Variants in MTNR1A observed in about 807,000 individuals in gnomAD.
The protein encoded by MTNR1A is melatonin receptor 1A.
In MTNR1A, 7 loss-of-function variants were observed where a neutral mutation model predicts 5.5. The ratio of observed to expected loss-of-function variants is 1.28; its 90% CI spans 0.73 to 2.40. The LOEUF is 2.40. Among genes scored for constraint, MTNR1A ranks in the 30% most tolerant of loss-of-function variants. The probability of loss-of-function intolerance (pLI) is 0.00; values close to 1 mark genes in which losing one functional copy is unlikely to be tolerated. For synonymous variants in MTNR1A, 196 were observed against 202.7 expected (o/e 0.97, Z 0.28); for missense variants, 441 against 464.4 (o/e 0.95, Z 0.46).
intron 1 of MTNR1A, among the ~76,000 whole-genome samples, chr4:186,550,920 G>T (rs192077256): frequency 7.9e-5 from 12 of 152,240 alleles, no homozygotes; most frequent in Non-Finnish European, 1.5e-4. Flanking sequence ...AACCAAGATA[G>T]AAAGTCATAG....
At chr4:186,544,419 C>T (rs1435517469) in intron 1 of MTNR1A, among the ~76,000 whole-genome samples, 1 of 152,166 alleles carries the variant, frequency 6.6e-6, no homozygotes, top group Admixed American at 6.5e-5. Flanking sequence ...CTATCCTGGG[C>T]CAGACTCTTA....
At position 186,547,200 on chromosome 4, in the gene MTNR1A, A is replaced by C. The variant is rs113261495; in HGVS notation, c.184+7982T>G. 8.9e-5 allele frequency among the ~76,000 whole-genome samples: 5 copies of C among 56,004 alleles called. No homozygotes were observed. In the East Asian group the frequency reaches 3.6e-3, roughly 40 times the overall value. The allele number at this position is 56,004 out of a possible 152,430, so 36.7% of individuals were successfully genotyped here. The stretch of plus-strand genomic sequence containing the variant: ...ACACCATCCACACCACACCCTGTTC[A>C]TGGGACACACCGTCCACACCACACC... On this transcript the variant is annotated intron_variant, in intron 1 of 1. Coordinates refer to ENST00000307161, the MANE Select transcript of MTNR1A (RefSeq NM_005958.4).
chr4:186,555,113 A>C lies in MTNR1A; in HGVS notation c.184+69T>G. 6.8e-7 allele frequency: 1 copy of C among 1,479,708 alleles called. No homozygotes were observed. Among genetic ancestry groups the C allele is most frequent in the Non-Finnish European group, 9.2e-7 (1 of 1,082,186 alleles). 91.7% of individuals were successfully genotyped at this position (1,479,708 alleles called of 1,614,324 possible). A position where few individuals can be genotyped will look rare whatever the true frequency, so the allele number is the denominator to read the frequency against. ...AGGAAAAAGAACCAAGTGCTTGGGG[A>C]AGGCTGGCTGCCCGCGGAGAGGCGC... is the stretch of plus-strand genomic sequence containing the variant. On this transcript the variant is annotated intron_variant, in intron 1 of 1. Coordinates refer to ENST00000307161, the MANE Select transcript of MTNR1A (RefSeq NM_005958.4). This position sits in a 1 kb window ranked among gnomAD's most constrained non-coding sequence, Gnocchi z 4.1.
At chr4:186,538,969 C>G (rs546851008) in intron 1 of MTNR1A, among the ~76,000 whole-genome samples, 1 of 152,220 alleles carries the variant, frequency 6.6e-6, no homozygotes, top group South Asian at 2.1e-4. Flanking sequence ...CCTGTAATCC[C>G]AGCACTTTGG....
chr4:186,534,532 C>G lies in MTNR1A; in HGVS notation c.210G>C (p.Ala70=), dbSNP rs773623154. 49 of 1,612,990 alleles carry G rather than the reference C, an allele frequency of 3.0e-5. No homozygotes were observed. Among genetic ancestry groups the G allele is most frequent in the Admixed American group, 6.7e-5 (4 of 60,000 alleles). ...NAGNIFVVSL[A]VADLVVAIYP... ...AAATGGCCACCACCAGGTCTGCCACCGCTAAGCTCACCACAAAGATGTTTC... is the reference window on the plus strand; with the variant it reads ...AAATGGCCACCACCAGGTCTGCCACGGCTAAGCTCACCACAAAGATGTTTC... The change falls in exon 2 of 2, where the codon GCG becomes GCC. Residue 70 remains alanine (A), a synonymous_variant. Coordinates refer to ENST00000307161, the MANE Select transcript of MTNR1A (RefSeq NM_005958.4).
intron 1 of MTNR1A, among the ~76,000 whole-genome samples, chr4:186,536,152 C>T (rs1736844062): frequency 6.6e-6 from 1 of 151,876 alleles, no homozygotes; most frequent in Non-Finnish European, 1.5e-5. Context: ...TCAGGACCAG[C>T]CTGGCCAACA....
chr4:186,534,260 G>A lies in MTNR1A; in HGVS notation c.482C>T (p.Pro161Leu). ...IWLLTLAAVLPNLRAGTLQYD... is the reference protein window; with the variant it reads ...IWLLTLAAVLLNLRAGTLQYD... ...CTGGAGAGTCCCTGCACGGAGGTTG[G>A]GCAGGACGGCCGCCAGCGTCAGGAG... Residue 161 changes from proline to leucine, a missense_variant, in exon 2 of 2, where the codon CCC (proline) becomes CTC (leucine). By Grantham distance (98) the Pro-to-Leu change is moderately conservative. Transcript: ENST00000307161. 1 of 1,614,178 alleles carries A rather than the reference G, an allele frequency of 6.2e-7. No individual in the cohort carries two copies. Among genetic ancestry groups the A allele is most frequent in the Non-Finnish European group, 8.5e-7 (1 of 1,180,028 alleles).
chr4:186,544,053 G>A (rs1737084348), intron 1 of MTNR1A, among the ~76,000 whole-genome samples: 1 of 152,080 alleles, frequency 6.6e-6, no homozygotes, highest in South Asian at 2.1e-4. Context: ...TCTGTCACCA[G>A]GCTGGAATGC....
chr4:186,550,761 C>T (rs1256287663), intron 1 of MTNR1A, among the ~76,000 whole-genome samples: 11 of 152,090 alleles, frequency 7.2e-5, no homozygotes, highest in African/African-American at 7.2e-5. Flanking sequence ...TACTTTCTTA[C>T]GAAATGAATA....
intron 1 of MTNR1A, among the ~76,000 whole-genome samples, chr4:186,543,718 T>C (rs1737078070): frequency 6.6e-6 from 1 of 152,202 alleles, no homozygotes; most frequent in Non-Finnish European, 1.5e-5. Flanking sequence ...GAGACTGTAT[T>C]TTCTTTTACA....
chr4:186,534,025 G>C lies in MTNR1A; in HGVS notation c.717C>G (p.Thr239=). The change falls in exon 2 of 2, where the codon ACC becomes ACG. Residue 239 remains threonine (T), a synonymous_variant. Coordinates refer to ENST00000307161, the MANE Select transcript of MTNR1A (RefSeq NM_005958.4). ...CAAAAAGGACAAAAACCACAAACATGGTGACAAAATTCCTGAAGTCCTGTG... is the reference window on the plus strand; with the variant it reads ...CAAAAAGGACAAAAACCACAAACATCGTGACAAAATTCCTGAAGTCCTGTG... ...LKPQDFRNFV[T]MFVVFVLFAI... The C allele has an allele frequency of 1.9e-6, 3 of 1,614,078 alleles. No homozygotes were observed. The highest frequency in any genetic ancestry group is 2.5e-6 in the Non-Finnish European group (3 of 1,180,032).
chr4:186,543,258 G>A (rs747441792), intron 1 of MTNR1A, among the ~76,000 whole-genome samples: 3 of 152,192 alleles, frequency 2.0e-5, no homozygotes, highest in Non-Finnish European at 4.4e-5. Context: ...GAGCAAGGAA[G>A]TATAGATCTG....
intron 1 of MTNR1A, among the ~76,000 whole-genome samples, chr4:186,546,725 C>T (rs1737153859): frequency 6.8e-6 from 1 of 147,866 alleles, no homozygotes; most frequent in East Asian, 2.0e-4. Context: ...CCACACCACA[C>T]CCTGTTCATA....
chr4:186,553,520 T>A (rs1478376548), intron 1 of MTNR1A, among the ~76,000 whole-genome samples: 1 of 152,232 alleles, frequency 6.6e-6, no homozygotes, highest in Non-Finnish European at 1.5e-5. Flanking sequence ...TATTTTATTT[T>A]ATTTTTTTGA....
At chr4:186,544,583 C>T (rs1454303756) in intron 1 of MTNR1A, among the ~76,000 whole-genome samples, 2 of 152,192 alleles carry the variant, frequency 1.3e-5, no homozygotes, top group Non-Finnish European at 2.9e-5. Context: ...AGTGTGGACC[C>T]TGTGTCTGAA....
intron 1 of MTNR1A, among the ~76,000 whole-genome samples, chr4:186,545,348 G>C (rs533631887): frequency 6.6e-6 from 1 of 152,044 alleles, no homozygotes. Context: ...ACCTCACTAC[G>C]TGTGCATCTG....
At chr4:186,534,672 C>T (rs1736804876) in intron 1 of MTNR1A, 115 bp from the exon 2 acceptor site, 5 of 1,294,032 alleles carry the variant, frequency 3.9e-6, no homozygotes, top group Non-Finnish European at 5.4e-6. Context: ...GTCACAGCGG[C>T]GGCCGCACTG....
At chr4:186,547,500 G>A (rs73024711) in intron 1 of MTNR1A, among the ~76,000 whole-genome samples, 6 of 151,930 alleles carry the variant, frequency 3.9e-5, no homozygotes, top group East Asian at 3.9e-4. Context: ...ACACACCGTC[G>A]TCCCACACCT....
chr4:186,534,633 A>T (rs1736803141), intron 1 of MTNR1A, 76 bp from the exon 2 acceptor site: 1 of 1,551,144 alleles, frequency 6.4e-7, no homozygotes, highest in East Asian at 2.2e-5. Flanking sequence ...TTAAAGAAGG[A>T]GCTGCTTCTG....
Sources: gnomAD v4.1 joint callset for allele counts (sites outside exome capture counted in the v4.1 genomes callset) on GRCh38, gnomAD v4.1.1 for gene constraint, Gnocchi (gnomAD v3.1) non-coding constraint, MANE v1.5 for transcripts, NCBI Gene and HGNC (gene_info 2026-07-23, HGNC 2026-07-21) for gene names.